GRIK2: variants seen among roughly 807,000 people sequenced by gnomAD.
GRIK2 encodes glutamate ionotropic receptor kainate type subunit 2.
Under a neutral mutation model 100.3 loss-of-function variants are expected in GRIK2, and 32 were observed. That is an observed-to-expected ratio of 0.32 (90% CI 0.24 to 0.43). The LOEUF (loss-of-function observed/expected upper bound fraction) is 0.43. GRIK2 is among the 20% of genes least tolerant of loss of function. The pLI, the probability that GRIK2 is intolerant of heterozygous loss-of-function variation, is 1.00. For missense variants in GRIK2, 843 were observed against 1,114.9 expected (o/e 0.76, Z 3.47); for synonymous variants, 417 against 389.4 (o/e 1.07, Z -0.83).
rs543542328 is a variant in GRIK2 at position 101,997,268 on chromosome 6, A to T, written c.2086-38073A>T. ...TCTTTTTTATTTGAAAAATAGTTTTAAAAATTTTAATTATTACCTTCTCAG... is the reference window on the plus strand; with the variant it reads ...TCTTTTTTATTTGAAAAATAGTTTTTAAAATTTTAATTATTACCTTCTCAG... On this transcript the variant is annotated intron_variant, in intron 14 of 16. Transcript: ENST00000369134. 3.4e-4 allele frequency among the ~76,000 whole-genome samples: 51 copies of T among 152,132 alleles called. 1 individual carries two copies. Among genetic ancestry groups the T allele is most frequent in the African/African-American group, 1.2e-3 (48 of 41,550 alleles).
At chr6:101,556,056 A>G (rs1440242389) in intron 2 of GRIK2, among the ~76,000 whole-genome samples, 1 of 152,064 alleles carries the variant, frequency 6.6e-6, no homozygotes, top group East Asian at 1.9e-4. Flanking sequence ...GCTCTCTTGA[A>G]TTACTACATT....
At chr6:101,641,837 T>C (rs967497534) in intron 4 of GRIK2, among the ~76,000 whole-genome samples, 9 of 151,954 alleles carry the variant, frequency 5.9e-5, no homozygotes, top group African/African-American at 2.2e-4. Context: ...ATAAATAGAA[T>C]GGTTTTCTCT....
chr6:101,933,563 A>AT (rs763308586), intron 14 of GRIK2, among the ~76,000 whole-genome samples: 9 of 151,792 alleles, frequency 5.9e-5, no homozygotes, highest in Non-Finnish European at 1.3e-4. Context: ...ATGGATTCCT[A>AT]TTTTCCCAGC....
chr6:102,059,561 C>T (rs1464683756), intron 16 of GRIK2, among the ~76,000 whole-genome samples: 1 of 150,894 alleles, frequency 6.6e-6, no homozygotes, highest in Non-Finnish European at 1.5e-5. Context: ...TTACTTTTGG[C>T]TATAACAAGC....
At chr6:101,892,081 CA>C (rs1787140337) in intron 12 of GRIK2, among the ~76,000 whole-genome samples, 1 of 151,854 alleles carries the variant, frequency 6.6e-6, no homozygotes, top group Admixed American at 6.6e-5. Flanking sequence ...TTTAAATTAA[CA>C]AATTTCCCAG....
intron 7 of GRIK2, among the ~76,000 whole-genome samples, chr6:101,732,830 C>G (rs1225946087): frequency 6.6e-6 from 1 of 151,990 alleles, no homozygotes; most frequent in Non-Finnish European, 1.5e-5. Context: ...TCCCTATCTC[C>G]TCACCCCACT....
intron 5 of GRIK2, among the ~76,000 whole-genome samples, chr6:101,677,269 C>T (rs1770909768): frequency 6.6e-6 from 1 of 152,090 alleles, no homozygotes; most frequent in South Asian, 2.1e-4. Context: ...GGGACTATCT[C>T]TACTTTACAG....
chr6:101,712,407 C>T (rs928975874), intron 7 of GRIK2, among the ~76,000 whole-genome samples: 8 of 151,604 alleles, frequency 5.3e-5, no homozygotes, highest in Non-Finnish European at 8.9e-5. Context: ...TATATTTCCT[C>T]AGTTTTTTTT....
intron 2 of GRIK2, among the ~76,000 whole-genome samples, chr6:101,557,539 G>T (rs1373364965): frequency 6.6e-6 from 1 of 152,062 alleles, no homozygotes; most frequent in Non-Finnish European, 1.5e-5. Context: ...ATAAAGTGGG[G>T]TTTTCTTTTA....
rs763440330 is a variant in GRIK2 at position 101,924,612 on chromosome 6, A to T, written c.1760A>T (p.Tyr587Phe). Residue 587 changes from tyrosine (Y) to phenylalanine (F), a missense_variant, in exon 13 of 17, where the codon TAT becomes TTT. By Grantham distance (22) the Tyr-to-Phe change is conservative. Around this residue, in one of 3 missense-constraint regions of GRIK2, gnomAD observed 237 missense variants for 388.0 expected, o/e 0.61. Transcript: ENST00000369134. The stretch of plus-strand genomic sequence containing the variant: ...GTCAATTACCACAGGTTTAGTCCTT[A>T]TGAGTGGTATAATCCACACCCTTGC... The part of the protein sequence containing the change: ...VLFVIARFSP[Y>F]EWYNPHPCNP... The T allele has an allele frequency of 6.5e-7, 1 of 1,547,502 alleles. No homozygotes were observed. The highest frequency in any genetic ancestry group is 1.1e-5 in the South Asian group (1 of 89,688).
At chr6:101,731,962 C>G (rs17054632) in intron 7 of GRIK2, among the ~76,000 whole-genome samples, 4,989 of 151,958 alleles carry the variant, frequency 0.033, 142 homozygotes, top group East Asian at 0.12. Context: ...GGGCAAAAAC[C>G]TAGAGAACCA....
At chr6:101,413,323 T>C (rs1167987467) in intron 2 of GRIK2, among the ~76,000 whole-genome samples, 2 of 152,054 alleles carry the variant, frequency 1.3e-5, no homozygotes, top group Non-Finnish European at 2.9e-5. Context: ...GTTAAATTTA[T>C]TTACCAGACA....
At chr6:101,509,390 T>C (rs1035498843) in intron 2 of GRIK2, among the ~76,000 whole-genome samples, 4 of 152,150 alleles carry the variant, frequency 2.6e-5, no homozygotes, top group Non-Finnish European at 4.4e-5. Context: ...GAACATTGTG[T>C]GTGCTGAGTT....
chr6:101,847,553 GAT>G (rs1783882122), intron 10 of GRIK2, among the ~76,000 whole-genome samples: 1 of 152,050 alleles, frequency 6.6e-6, no homozygotes, highest in South Asian at 2.1e-4. Flanking sequence ...ACTTGACAGA[GAT>G]TTCCTTAAAC....
chr6:101,495,238 G>C (rs938432947), intron 2 of GRIK2, among the ~76,000 whole-genome samples: 2 of 151,958 alleles, frequency 1.3e-5, no homozygotes, highest in Admixed American at 6.6e-5. Context: ...AGGCACAGTG[G>C]CTCATGCCTG....
rs564638108 is a variant in GRIK2, at chr6:101,528,636, C to T, written c.116-93313C>T. ...GTTTTCAAAGTGTTACTGGCTCAGGCTCACTTTCGGGCAAGCCGGCTTATA... is the reference window on the plus strand; with the variant it reads ...GTTTTCAAAGTGTTACTGGCTCAGGTTCACTTTCGGGCAAGCCGGCTTATA... On this transcript the variant is annotated intron_variant, in intron 2 of 16. Coordinates refer to ENST00000369134, the MANE Select transcript of GRIK2 (RefSeq NM_021956.5). Among the ~76,000 whole-genome samples the T allele has an allele frequency of 2.6e-5, 4 of 152,226 alleles. No homozygotes were observed. In the East Asian group the frequency reaches 5.8e-4, roughly 22 times the overall value.
At chr6:101,633,448 A>G (rs565491997) in intron 4 of GRIK2, among the ~76,000 whole-genome samples, 71 of 152,292 alleles carry the variant, frequency 4.7e-4, no homozygotes, top group Non-Finnish European at 9.7e-4. Flanking sequence ...AGGTGAGGAT[A>G]ATATGTGTCA....
intron 15 of GRIK2, among the ~76,000 whole-genome samples, chr6:102,039,022 A>T (rs1770429074): frequency 6.6e-6 from 1 of 151,408 alleles, no homozygotes; most frequent in Non-Finnish European, 1.5e-5. Context: ...AAAAAAAATT[A>T]AAAATTGTGC....
At chr6:101,745,996 C>T (rs1407528625) in intron 7 of GRIK2, among the ~76,000 whole-genome samples, 2 of 152,158 alleles carry the variant, frequency 1.3e-5, no homozygotes, top group Admixed American at 1.3e-4. Flanking sequence ...AATTATATTT[C>T]GCGGAGTCTC....
Sources: gnomAD v4.1 joint callset for allele counts (sites outside exome capture counted in the v4.1 genomes callset) on GRCh38, gnomAD v4.1.1 for gene constraint, gnomAD v4.1.1 regional missense constraint, MANE v1.5 for transcripts, NCBI Gene and HGNC (gene_info 2026-07-23, HGNC 2026-07-21) for gene names.